GSDME: variants seen among roughly 807,000 people sequenced by gnomAD.
GSDME encodes gasdermin E, also known as gasdermin-E.
GSDME carries 44 observed loss-of-function variants against 47.5 expected under a neutral mutation model. That is an observed-to-expected ratio of 0.93 (90% CI 0.73 to 1.19). The LOEUF is 1.19. Among genes scored for constraint, GSDME ranks in the 50% most tolerant of loss-of-function variants. GSDME has a pLI of 0.00. For synonymous variants in GSDME, 258 were observed against 252.8 expected, an observed-to-expected ratio of 1.02 and a Z score of -0.20; for missense variants, 663 against 604.2, an observed-to-expected ratio of 1.10 and a Z score of -1.02.
rs1464401823 is a variant in GSDME at position 24,719,223 on chromosome 7, A to G, written c.405-5T>C. 27 of 1,609,790 alleles carry G rather than the reference A, an allele frequency of 1.7e-5. No homozygotes were observed. The highest frequency in any genetic ancestry group is 2.2e-5 in the East Asian group (1 of 44,892). The stretch of plus-strand genomic sequence containing the variant: ...GGGTTTCTCAGATTTATTGTTCTGA[A>G]AAAGAAAAACGGATGTGAGTGGCTT... On this transcript the variant is annotated splice_polypyrimidine_tract_variant and splice_region_variant and intron_variant, in intron 3 of 9. Transcript: ENST00000645220.
rs1290374383 is a variant in GSDME at position 24,702,600 on chromosome 7, G to A, written c.1257+160C>T. On this transcript the variant is annotated intron_variant, in intron 9 of 9. Transcript: ENST00000645220. ...GGGTCTCAGTCTTCCCATGGGGTGGGATGTGTATAAAAGTGGGGTTAATAA... is the reference window on the plus strand; with the variant it reads ...GGGTCTCAGTCTTCCCATGGGGTGGAATGTGTATAAAAGTGGGGTTAATAA... 6.2e-6 allele frequency: 4 copies of A among 646,376 alleles called. No individual in the cohort carries two copies. The East Asian group carries it at 1.3e-4, about 21-fold the overall frequency. The allele number at this position is 646,376 out of a possible 1,614,324, so 40.0% of individuals were successfully genotyped here.
At chr7:24,747,701 T>C (rs187359889) in intron 2 of GSDME, among the ~76,000 whole-genome samples, 122 of 152,244 alleles carry the variant, frequency 8.0e-4, no homozygotes, top group African/African-American at 2.7e-3. Flanking sequence ...AGACAGGGAC[T>C]CTGTTGCCCA....
rs1421049139 is a variant in GSDME at position 24,725,425 on chromosome 7, G to C, written c.405-6207C>G. Among the ~76,000 whole-genome samples, 1 of 152,096 alleles carries C rather than the reference G, an allele frequency of 6.6e-6. No homozygotes were observed. The highest frequency in any genetic ancestry group is 1.5e-5 in the Non-Finnish European group (1 of 67,998). On this transcript the variant is annotated intron_variant, in intron 3 of 9. Coordinates refer to ENST00000645220, the MANE Select transcript of GSDME (RefSeq NM_001127453.2). This position sits in a 1 kb window ranked among gnomAD's most constrained non-coding sequence, Gnocchi z 5.1. Reference sequence around the variant, plus strand: ...TAAGGGAGCCCTCAGCCAGGTGTAGGAGGACGAGCCGCAGACAAAACTCCT... The same window carrying C: ...TAAGGGAGCCCTCAGCCAGGTGTAGCAGGACGAGCCGCAGACAAAACTCCT...
At chr7:24,752,020 T>A (rs960882263) in intron 1 of GSDME, among the ~76,000 whole-genome samples, 1 of 152,170 alleles carries the variant, frequency 6.6e-6, no homozygotes, top group African/African-American at 2.4e-5. Context: ...GTCGATGACA[T>A]CCAAGCTGCA....
chr7:24,706,170 TCTTTTCTC>T lies in GSDME; in HGVS notation c.1183+6_1183+13del. On this transcript the variant is annotated splice_donor_region_variant and intron_variant, in intron 8 of 9. Transcript: ENST00000645220. ...GCAGCAGCAGCCATTTCTTTCATTT[TCTTTTCTC>T]CTTACCTGCGAGGGCACTGACCAAG... The T allele has an allele frequency of 6.2e-7, 1 of 1,614,158 alleles. No individual in the cohort carries two copies. The highest frequency in any genetic ancestry group is 8.5e-7 in the Non-Finnish European group (1 of 1,179,990).
At chr7:24,765,995 G>A in the GSDME span, among the ~76,000 whole-genome samples, 1 of 152,062 alleles carries the variant, frequency 6.6e-6, no homozygotes, top group South Asian at 2.1e-4. Context: ...GGTAAATCTG[G>A]GGAAGACATC....
At chr7:24,738,968 T>C (rs1258172740) in intron 3 of GSDME, among the ~76,000 whole-genome samples, 1 of 152,156 alleles carries the variant, frequency 6.6e-6, no homozygotes, top group African/African-American at 2.4e-5. Context: ...TCTCACCATA[T>C]ACAAAAACCA....
At chr7:24,738,755 A>T (rs1270673223) in intron 3 of GSDME, among the ~76,000 whole-genome samples, 2 of 152,234 alleles carry the variant, frequency 1.3e-5, no homozygotes, top group Non-Finnish European at 1.5e-5. Context: ...ATAGTCATTA[A>T]AACAGTATGG....
chr7:24,760,330 C>G (rs1791148018), upstream of GSDME, among the ~76,000 whole-genome samples: 3 of 152,300 alleles, frequency 2.0e-5, no homozygotes, highest in South Asian at 6.2e-4. This position sits in a 1 kb window ranked among gnomAD's most constrained non-coding sequence, Gnocchi z 4.2. Flanking sequence ...TAATTGCTTC[C>G]TAGTTCCTTG....
At chr7:24,747,610 C>T (rs564505104) in intron 2 of GSDME, among the ~76,000 whole-genome samples, 1 of 152,312 alleles carries the variant, frequency 6.6e-6, no homozygotes, top group South Asian at 2.1e-4. Context: ...AAAGCAGTTG[C>T]CTAAAAAACT....
At chr7:24,766,814 T>C in the GSDME span, among the ~76,000 whole-genome samples, 1 of 152,238 alleles carries the variant, frequency 6.6e-6, no homozygotes, top group Non-Finnish European at 1.5e-5. The surrounding 1 kb of genome is among the most constrained non-coding windows in gnomAD (Gnocchi z 4.2). Context: ...TTTGGGTATA[T>C]ACCCAGTAAT....
At chr7:24,784,836 A>G in the GSDME span, among the ~76,000 whole-genome samples, 2 of 152,178 alleles carry the variant, frequency 1.3e-5, no homozygotes, top group African/African-American at 4.8e-5. Flanking sequence ...CTGGGCTTAC[A>G]GGTGTGAGCC....
At chr7:24,740,030 T>A (rs999494180) in intron 3 of GSDME, among the ~76,000 whole-genome samples, 7 of 151,326 alleles carry the variant, frequency 4.6e-5, no homozygotes, top group African/African-American at 1.7e-4. Context: ...GAGGCGGAGG[T>A]TGCAGTGAGC....
the GSDME span, among the ~76,000 whole-genome samples, chr7:24,775,406 A>T: frequency 6.6e-6 from 1 of 152,218 alleles, no homozygotes; most frequent in Admixed American, 6.5e-5. Context: ...TAAAGCTCAG[A>T]TATGTTAACT....
chr7:24,790,473 AG>A, the GSDME span, among the ~76,000 whole-genome samples: 8 of 152,314 alleles, frequency 5.3e-5, no homozygotes, highest in East Asian at 1.5e-3. The surrounding 1 kb of genome is among the most constrained non-coding windows in gnomAD (Gnocchi z 4.1). Flanking sequence ...TATGGGCAGT[AG>A]GAAGAAGGAT....
chr7:24,784,626 CTTT>C, the GSDME span, among the ~76,000 whole-genome samples: 13 of 124,310 alleles, frequency 1.0e-4, no homozygotes, highest in African/African-American at 4.0e-4. Flanking sequence ...TTTCTTCTTC[CTTT>C]TTTTTTTTTT....
At position 24,742,736 on chromosome 7, in the gene GSDME, G is replaced by T. The variant is rs528441119; in HGVS notation, c.404+1826C>A. Reference sequence around the variant, plus strand: ...GTGAGACTGAGGGAGCAGAGAAGACGCTCTGGACACCCCCCGCCTCCCTTT... The same window carrying T: ...GTGAGACTGAGGGAGCAGAGAAGACTCTCTGGACACCCCCCGCCTCCCTTT... On this transcript the variant is annotated intron_variant, in intron 3 of 9. Transcript: ENST00000645220. The surrounding 1 kb of genome is among the most constrained non-coding windows in gnomAD (Gnocchi z 4.4). Among the ~76,000 whole-genome samples, 1 of 152,138 alleles carries T rather than the reference G, an allele frequency of 6.6e-6. No homozygotes were observed.
rs1252609381 is a variant in GSDME at position 24,735,187 on chromosome 7, T to C, written c.404+9375A>G. The stretch of plus-strand genomic sequence containing the variant: ...AAAAAACGTTTACACTAGAATAGTA[T>C]ATTCAGCAAAACTATCCTTCAAACA... On this transcript the variant is annotated intron_variant, in intron 3 of 9. Coordinates refer to ENST00000645220, the MANE Select transcript of GSDME (RefSeq NM_001127453.2). The surrounding 1 kb of genome is among the most constrained non-coding windows in gnomAD (Gnocchi z 4.4). Among the ~76,000 whole-genome samples, 1 of 152,290 alleles carries C rather than the reference T, an allele frequency of 6.6e-6. No individual in the cohort carries two copies. The highest frequency in any genetic ancestry group is 2.4e-5 in the African/African-American group (1 of 41,540).
In GSDME at chr7:24,699,175, C is replaced by T. The variant is rs140643388; in HGVS notation, c.1342G>A (p.Val448Met). 6.2e-5 allele frequency: 100 copies of T among 1,614,214 alleles called. No homozygotes were observed. Among genetic ancestry groups the T allele is most frequent in the Non-Finnish European group, 8.4e-5 (99 of 1,180,034 alleles). The stretch of plus-strand genomic sequence containing the variant: ...TCAGCTGAGGCAAACAAGCGCTGCA[C>T]AATCCCAAACCTTTCTGTATCTTTC... ...PLKDTERFGI[V>M]QRLFASADIS... The change falls in exon 10 of 10, where the codon GTG (valine) becomes ATG (methionine). Residue 448 changes from valine (V) to methionine (M), a missense_variant. Physicochemically the swap from Val to Met is conservative, Grantham distance 21. Transcript: ENST00000645220.
Sources: gnomAD v4.1 joint callset for allele counts (sites outside exome capture counted in the v4.1 genomes callset) on GRCh38, gnomAD v4.1.1 for gene constraint, Gnocchi (gnomAD v3.1) non-coding constraint, MANE v1.5 for transcripts, NCBI Gene and HGNC (gene_info 2026-07-23, HGNC 2026-07-21) for gene names.